The following ANAPC10 variants were observed in gnomAD, a reference collection of about 807,000 sequenced individuals.
ANAPC10 encodes the protein anaphase-promoting complex subunit 10.
In ANAPC10, 12 loss-of-function variants were observed where a neutral mutation model predicts 22.0. The ratio of observed to expected loss-of-function variants is 0.55; its 90% CI spans 0.35 to 0.88. The LOEUF is 0.88. Among genes scored for constraint, ANAPC10 ranks in the 40% least tolerant of loss-of-function variants. ANAPC10 has a pLI of 0.01. For missense variants in ANAPC10, 188 were observed against 220.9 expected (o/e 0.85, Z 0.94); for synonymous variants, 65 against 69.5 (o/e 0.94, Z 0.32).
At chr4:145,008,778 C>A (rs562130449) in intron 4 of ANAPC10, among the ~76,000 whole-genome samples, 1 of 152,112 alleles carries the variant, frequency 6.6e-6, no homozygotes, top group Non-Finnish European at 1.5e-5. Flanking sequence ...AAAACTGGCA[C>A]GAGACAGGGA....
chr4:145,089,911 T>C (rs184988091), intron 2 of ANAPC10, among the ~76,000 whole-genome samples: 14 of 152,326 alleles, frequency 9.2e-5, no homozygotes, highest in Admixed American at 9.1e-4. Context: ...TGTTTTACTC[T>C]GTTACTTACC....
At chr4:145,012,005 A>C (rs1290904183) in intron 4 of ANAPC10, among the ~76,000 whole-genome samples, 1 of 151,992 alleles carries the variant, frequency 6.6e-6, no homozygotes, top group Non-Finnish European at 1.5e-5. Context: ...AGCAGCTTCC[A>C]CTGCAAAGCA....
At chr4:145,068,212 A>G (rs557249572) in intron 3 of ANAPC10, among the ~76,000 whole-genome samples, 2 of 152,190 alleles carry the variant, frequency 1.3e-5, no homozygotes, top group Non-Finnish European at 1.5e-5. Flanking sequence ...CTCTGCTACT[A>G]TATGTTCTGA....
chr4:145,003,949 T>C (rs564506611), intron 4 of ANAPC10, among the ~76,000 whole-genome samples: 1 of 152,306 alleles, frequency 6.6e-6, no homozygotes, highest in African/African-American at 2.4e-5. Context: ...CTTTTAACAA[T>C]ATTGAGTCTT....
At chr4:145,081,174 T>A (rs1316249550) in intron 3 of ANAPC10, among the ~76,000 whole-genome samples, 1 of 151,634 alleles carries the variant, frequency 6.6e-6, no homozygotes, top group Non-Finnish European at 1.5e-5. Context: ...CTGTTTTTCC[T>A]TTCCCCTCAA....
intron 4 of ANAPC10, among the ~76,000 whole-genome samples, chr4:145,020,851 A>T (rs901437020): frequency 2.0e-5 from 3 of 151,766 alleles, no homozygotes; most frequent in Admixed American, 1.3e-4. Flanking sequence ...AAAAAAAAAT[A>T]AAAAAGACAA....
At chr4:145,095,167 A>C (rs1485827012) in intron 2 of ANAPC10, among the ~76,000 whole-genome samples, 26 of 152,234 alleles carry the variant, frequency 1.7e-4, no homozygotes, top group Admixed American at 1.6e-3. Flanking sequence ...AAGGAATATT[A>C]AAATCAGACC....
intron 4 of ANAPC10, among the ~76,000 whole-genome samples, chr4:145,052,395 A>G (rs1158895012): frequency 6.6e-6 from 1 of 152,212 alleles, no homozygotes; most frequent in Non-Finnish European, 1.5e-5. Context: ...GTCAATTTAA[A>G]AAACTAAATT....
At chr4:145,014,374 A>G (rs1230683687) in intron 4 of ANAPC10, among the ~76,000 whole-genome samples, 7 of 151,864 alleles carry the variant, frequency 4.6e-5, no homozygotes, top group Admixed American at 2.6e-4. Context: ...AATTCTCCTA[A>G]GTACACAACT....
At chr4:145,009,952 C>A (rs756506618) in intron 4 of ANAPC10, among the ~76,000 whole-genome samples, 23 of 152,172 alleles carry the variant, frequency 1.5e-4, no homozygotes, top group Non-Finnish European at 2.4e-4. Context: ...CCAGAATCTA[C>A]AAAGAACTTA....
At chr4:145,029,230 G>A (rs563463996) in intron 4 of ANAPC10, among the ~76,000 whole-genome samples, 43 of 152,144 alleles carry the variant, frequency 2.8e-4, no homozygotes, top group African/African-American at 9.2e-4. Context: ...TCCCCTCCCC[G>A]ACCCACACTG....
At chr4:145,042,740 AAT>A (rs1450238337) in intron 4 of ANAPC10, among the ~76,000 whole-genome samples, 2 of 152,080 alleles carry the variant, frequency 1.3e-5, no homozygotes, top group Admixed American at 6.6e-5. Flanking sequence ...GTAAAAAAAA[AAT>A]GATGTGTGAA....
At chr4:145,034,575 G>GTGTGTGTGTGTGTGTA (rs750027962) in intron 4 of ANAPC10, among the ~76,000 whole-genome samples, 2 of 125,656 alleles carry the variant, frequency 1.6e-5, no homozygotes, top group African/African-American at 6.8e-5. Flanking sequence ...GTGTGTGTGT[G>GTGTGTGTGTGTGTGTA]TATATATCCC....
chr4:145,031,955 A>G (rs998606508), intron 4 of ANAPC10, among the ~76,000 whole-genome samples: 3 of 152,168 alleles, frequency 2.0e-5, no homozygotes, highest in Non-Finnish European at 4.4e-5. Context: ...GCAGCATTCC[A>G]TTATCAAATG....
intron 4 of ANAPC10, among the ~76,000 whole-genome samples, chr4:144,997,738 C>A (rs1731844536): frequency 6.6e-6 from 1 of 152,060 alleles, no homozygotes; most frequent in African/African-American, 2.4e-5. Flanking sequence ...CAATATTAAC[C>A]TTAAATGTAA....
chr4:145,019,409 T>C (rs1735662725), intron 4 of ANAPC10, among the ~76,000 whole-genome samples: 1 of 151,994 alleles, frequency 6.6e-6, no homozygotes, highest in African/African-American at 2.4e-5. Flanking sequence ...ATGACAATAG[T>C]GACAATCTAT....
chr4:145,012,443 G>A lies in ANAPC10; in HGVS notation c.328-16840C>T, dbSNP rs1040098707. ...GGCAAAAACAAAAAGAAAAAATAAAGAATTTCATCTGAGAATTAGAATACA... is the reference window on the plus strand; with the variant it reads ...GGCAAAAACAAAAAGAAAAAATAAAAAATTTCATCTGAGAATTAGAATACA... On this transcript the variant is annotated intron_variant, in intron 4 of 4. Coordinates refer to ENST00000507656, the MANE Select transcript of ANAPC10 (RefSeq NM_001256706.2). Among the ~76,000 whole-genome samples, 118 of 151,738 alleles carry A rather than the reference G, an allele frequency of 7.8e-4. 2 individuals carry two copies. The highest frequency in any genetic ancestry group is 2.5e-4 in the Non-Finnish European group (17 of 67,938).
chr4:145,013,542 T>C (rs890676265), intron 4 of ANAPC10, among the ~76,000 whole-genome samples: 3 of 152,116 alleles, frequency 2.0e-5, no homozygotes, highest in Non-Finnish European at 1.5e-5. Context: ...AAAAACAGCA[T>C]CTTTTCATAT....
rs1391584344 is a variant in ANAPC10 at position 145,064,647 on chromosome 4, T to C, written c.252A>G (p.Lys84=). Residue 84 remains lysine, a synonymous_variant, in exon 4 of 5, where the codon AAA becomes AAG. Coordinates refer to ENST00000507656, the MANE Select transcript of ANAPC10 (RefSeq NM_001256706.2). The part of the protein sequence containing the change: ...VKTLCIYADY[K]SDESYTPSKI... ...TGCTTGGAGTATAGCTTTCATCAGA[T>C]TTGTAGTCTGCATAAATACATAATG... The C allele has an allele frequency of 6.2e-7, 1 of 1,600,100 alleles. No individual in the cohort carries two copies. Among genetic ancestry groups the C allele is most frequent in the Non-Finnish European group, 8.5e-7 (1 of 1,171,520 alleles).
Sources: gnomAD v4.1 joint callset for allele counts (sites outside exome capture counted in the v4.1 genomes callset) on GRCh38, gnomAD v4.1.1 for gene constraint, MANE v1.5 for transcripts, NCBI Gene and HGNC (gene_info 2026-07-23, HGNC 2026-07-21) for gene names.